Variants in DTNA observed in about 807,000 individuals in gnomAD.
DTNA encodes dystrobrevin alpha.
Under a neutral mutation model 100.7 loss-of-function variants are expected in DTNA, and 43 were observed. The ratio of observed to expected loss-of-function variants is 0.43; its 90% CI spans 0.33 to 0.55. DTNA has a LOEUF of 0.55. Among genes scored for constraint, DTNA ranks in the 20% least tolerant of loss-of-function variants. The probability of loss-of-function intolerance (pLI) is 0.04; values close to 1 mark genes in which losing one functional copy is unlikely to be tolerated. For missense variants in DTNA, 798 were observed against 953.9 expected, an observed-to-expected ratio of 0.84 and a Z score of 2.15; for synonymous variants, 349 against 347.9, an observed-to-expected ratio of 1.00 and a Z score of -0.04.
chr18:34,505,293 T>C (rs1325040321), intron 1 of DTNA, among the ~76,000 whole-genome samples: 1 of 152,256 alleles, frequency 6.6e-6, no homozygotes, highest in Non-Finnish European at 1.5e-5. Context: ...CAGATTTATC[T>C]CTGCTCTTTG....
intron 21 of DTNA, among the ~76,000 whole-genome samples, chr18:34,883,823 A>G (rs940468524): frequency 3.3e-5 from 5 of 152,200 alleles, no homozygotes; most frequent in African/African-American, 1.2e-4. Context: ...GGAATGTTCC[A>G]TTTGCCTTTT....
chr18:34,815,349 A>G (rs952827806), intron 6 of DTNA, among the ~76,000 whole-genome samples: 1 of 152,180 alleles, frequency 6.6e-6, no homozygotes, highest in Non-Finnish European at 1.5e-5. Context: ...ATTGAGAGGA[A>G]TTATATATAA....
At chr18:34,731,238 G>A (rs976646384) in intron 1 of DTNA, among the ~76,000 whole-genome samples, 2 of 152,170 alleles carry the variant, frequency 1.3e-5, no homozygotes, top group Non-Finnish European at 2.9e-5. Context: ...CCAGCACTTT[G>A]GGAGGCCGAG....
intron 2 of DTNA, among the ~76,000 whole-genome samples, chr18:34,757,484 A>G (rs2092859113): frequency 1.3e-5 from 2 of 152,230 alleles, no homozygotes; most frequent in African/African-American, 2.4e-5. Flanking sequence ...TGAACTTATC[A>G]TTATAACACT....
chr18:34,614,331 C>T (rs1056788349), intron 1 of DTNA, among the ~76,000 whole-genome samples: 1 of 152,176 alleles, frequency 6.6e-6, no homozygotes, highest in African/African-American at 2.4e-5. Context: ...TCATGCTTCC[C>T]AAGACAACGT....
intron 1 of DTNA, among the ~76,000 whole-genome samples, chr18:34,746,043 A>G (rs932138556): frequency 2.6e-5 from 4 of 152,188 alleles, no homozygotes; most frequent in Non-Finnish European, 4.4e-5. Context: ...TTTTAAAAGT[A>G]TTCCAAAATA....
chr18:34,528,981 C>A (rs2042899302), intron 1 of DTNA, among the ~76,000 whole-genome samples: 1 of 152,108 alleles, frequency 6.6e-6, no homozygotes, highest in Non-Finnish European at 1.5e-5. Flanking sequence ...GACAGTGCAA[C>A]TCAGGCATAG....
intron 1 of DTNA, among the ~76,000 whole-genome samples, chr18:34,681,935 C>T (rs1278055681): frequency 2.0e-5 from 3 of 152,128 alleles, no homozygotes; most frequent in Non-Finnish European, 4.4e-5. Flanking sequence ...TTTCACTGCC[C>T]TAACAATCCT....
chr18:34,872,654 G>T (rs907116276), intron 17 of DTNA, among the ~76,000 whole-genome samples: 2 of 152,112 alleles, frequency 1.3e-5, no homozygotes, highest in Non-Finnish European at 2.9e-5. Flanking sequence ...ACAGTCCAAG[G>T]CCCTCCCATC....
At chr18:34,665,336 A>G (rs1275435126) in intron 1 of DTNA, among the ~76,000 whole-genome samples, 1 of 152,192 alleles carries the variant, frequency 6.6e-6, no homozygotes, top group Non-Finnish European at 1.5e-5. Context: ...AATTGTGTCC[A>G]AATAACTGCT....
Position 34,646,263 on chromosome 18 carries a change from TA to T in DTNA, c.-1-109704del, listed in dbSNP as rs981521094. Among the ~76,000 whole-genome samples, 118 of 151,702 alleles carry T rather than the reference TA, an allele frequency of 7.8e-4. 1 individual carries two copies. The highest frequency in any genetic ancestry group is 2.6e-3 in the African/African-American group (106 of 41,400). ...TTCCTGTCTTTTGTTTATAATAAAC[TA>T]AAAAAAAATTCATGTTAAGAAATGG... On this transcript the variant is annotated intron_variant, in intron 1 of 19. Coordinates refer to the DTNA transcript ENST00000283365.
At chr18:34,833,774 G>C (rs73418639) in intron 11 of DTNA, among the ~76,000 whole-genome samples, 1 of 152,204 alleles carries the variant, frequency 6.6e-6, no homozygotes, top group African/African-American at 2.4e-5. Flanking sequence ...TTGAAACTCA[G>C]ATTAGAAAAG....
chr18:34,742,733 T>C (rs1277275929), intron 1 of DTNA, among the ~76,000 whole-genome samples: 2 of 141,240 alleles, frequency 1.4e-5, no homozygotes, highest in Non-Finnish European at 1.5e-5. Flanking sequence ...CAGGGTAATA[T>C]AGTATGGCCT....
chr18:34,513,107 T>G (rs1277358131), intron 1 of DTNA, among the ~76,000 whole-genome samples: 1 of 152,052 alleles, frequency 6.6e-6, no homozygotes, highest in African/African-American at 2.4e-5. Flanking sequence ...GACATAGCTT[T>G]TAGAGCTCCG....
chr18:34,517,516 A>T (rs1032555250), intron 1 of DTNA, among the ~76,000 whole-genome samples: 7 of 150,328 alleles, frequency 4.7e-5, no homozygotes, highest in Non-Finnish European at 7.4e-5. Context: ...GTTATCTCAT[A>T]TGTAGCTTTG....
At chr18:34,690,876 A>G (rs892940977) in intron 1 of DTNA, among the ~76,000 whole-genome samples, 9 of 152,182 alleles carry the variant, frequency 5.9e-5, no homozygotes, top group Admixed American at 5.2e-4. Flanking sequence ...AAATTGTTCT[A>G]TATTCTCCCT....
At chr18:34,804,465 G>A (rs1568579856) in intron 4 of DTNA, among the ~76,000 whole-genome samples, 1 of 152,178 alleles carries the variant, frequency 6.6e-6, no homozygotes. Flanking sequence ...GTGACAGTGG[G>A]AATGAAAAGA....
In DTNA at chr18:34,890,456, G is replaced by T; in HGVS notation, c.*2722G>T. 6.5e-7 allele frequency: 1 copy of T among 1,536,114 alleles called. No homozygotes were observed. Among genetic ancestry groups the T allele is most frequent in the East Asian group, 2.4e-5 (1 of 40,916 alleles). ...CCTGTTCTAAGTGCAAACCCAGCAA[G>T]TTTCACTTGTCCTGTCCATTAGATA... On this transcript the variant is annotated 3_prime_UTR_variant, in exon 23 of 23. Transcript: ENST00000444659.
intron 1 of DTNA, among the ~76,000 whole-genome samples, chr18:34,618,460 G>A (rs1346646659): frequency 6.6e-6 from 1 of 152,098 alleles, no homozygotes; most frequent in African/African-American, 2.4e-5. Flanking sequence ...CACAGATCAA[G>A]CAAATGGAAG....
Sources: gnomAD v4.1 joint callset for allele counts (sites outside exome capture counted in the v4.1 genomes callset) on GRCh38, gnomAD v4.1.1 for gene constraint, MANE v1.5 for transcripts, NCBI Gene and HGNC (gene_info 2026-07-23, HGNC 2026-07-21) for gene names.